Variants in ARHGAP44 observed in about 807,000 individuals in gnomAD.
ARHGAP44 encodes rho GTPase-activating protein 44.
A neutral mutation model predicts 106.8 loss-of-function variants in ARHGAP44; 43 were observed. The observed-to-expected ratio is 0.40, with a 90% CI of 0.32 to 0.52. The LOEUF (loss-of-function observed/expected upper bound fraction) is 0.52. Among genes scored for constraint, ARHGAP44 ranks in the 20% least tolerant of loss-of-function variants. The pLI, the probability that ARHGAP44 is intolerant of heterozygous loss-of-function variation, is 0.48. For missense variants in ARHGAP44, 866 were observed against 1,050.5 expected (o/e 0.82, Z 2.43); for synonymous variants, 439 against 410.3 (o/e 1.07, Z -0.85).
chr17:12,956,083 T>C (rs2039120224), intron 14 of ARHGAP44, 103 bp downstream of exon 14: 11 of 769,044 alleles, frequency 1.4e-5, no homozygotes, highest in South Asian at 1.7e-5. Flanking sequence ...CAGCCTCATG[T>C]ATTTTCCAAA....
Position 12,858,870 on chromosome 17 carries a change from G to A in ARHGAP44, c.54-36070G>A, listed in dbSNP as rs548151477. ...TCACAGTCATGGTGGAAGGTGAAAG[G>A]CACGTCTTACATGGTGGCAGGCAAG... is the stretch of plus-strand genomic sequence containing the variant. On this transcript the variant is annotated intron_variant, in intron 1 of 20. Transcript: ENST00000379672. Among the ~76,000 whole-genome samples, 371 of 152,298 alleles carry A rather than the reference G, an allele frequency of 2.4e-3. 2 individuals carry two copies. The highest frequency in any genetic ancestry group is 8.6e-3 in the African/African-American group (357 of 41,562).
chr17:12,898,206 C>T (rs893514409), intron 3 of ARHGAP44, among the ~76,000 whole-genome samples: 4 of 152,070 alleles, frequency 2.6e-5, no homozygotes, highest in African/African-American at 4.8e-5. Flanking sequence ...TGAATTATTA[C>T]GGACGATTTC....
intron 12 of ARHGAP44, among the ~76,000 whole-genome samples, chr17:12,951,728 A>G (rs1041930292): frequency 1.3e-5 from 2 of 152,182 alleles, no homozygotes; most frequent in Admixed American, 1.3e-4. Context: ...ACCTAAGATC[A>G]CTTCATCTAA....
At chr17:12,921,428 C>G (rs1320841110) in intron 6 of ARHGAP44, among the ~76,000 whole-genome samples, 1 of 152,186 alleles carries the variant, frequency 6.6e-6, no homozygotes, top group African/African-American at 2.4e-5. Context: ...TCACTGCACT[C>G]TTGAACTCTT....
intron 1 of ARHGAP44, among the ~76,000 whole-genome samples, chr17:12,828,735 G>A (rs1400996611): frequency 5.5e-5 from 8 of 144,518 alleles, no homozygotes; most frequent in Admixed American, 4.9e-4. Context: ...TCCACCTCCC[G>A]GGTTCATGCC....
At chr17:12,863,501 A>G (rs1320369860) in intron 1 of ARHGAP44, among the ~76,000 whole-genome samples, 2 of 152,200 alleles carry the variant, frequency 1.3e-5, no homozygotes, top group Non-Finnish European at 2.9e-5. Context: ...TTTATAAAAT[A>G]AAATTATTGT....
intron 16 of ARHGAP44, among the ~76,000 whole-genome samples, chr17:12,965,266 G>A (rs1290456047): frequency 7.2e-5 from 11 of 152,102 alleles, no homozygotes; most frequent in Admixed American, 3.3e-4. Flanking sequence ...GAAACCCGAC[G>A]CACCTACTGT....
chr17:12,984,431 G>A (rs1407692332), intron 19 of ARHGAP44, 100 bp from the exon 20 acceptor site: 4 of 1,336,724 alleles, frequency 3.0e-6, no homozygotes, highest in Non-Finnish European at 3.9e-6. Context: ...GGCAGGAGGT[G>A]GGGACAGCTT....
intron 7 of ARHGAP44, among the ~76,000 whole-genome samples, chr17:12,931,990 T>A (rs571382124): frequency 4.3e-4 from 66 of 152,286 alleles, no homozygotes; most frequent in Admixed American, 2.0e-3. Flanking sequence ...TACTTATATG[T>A]ATATCCTTAT....
chr17:12,815,313 C>T lies in ARHGAP44; in HGVS notation c.53+25422C>T, dbSNP rs190647830. On this transcript the variant is annotated intron_variant, in intron 1 of 20. Transcript: ENST00000379672. ...GTATTTCCTTGCAAACATTCCGCCT[C>T]GCACTTATTCTGTGAGGGAAATAAG... is the stretch of plus-strand genomic sequence containing the variant. Among the ~76,000 whole-genome samples, 224 of 152,238 alleles carry T rather than the reference C, an allele frequency of 1.5e-3. No homozygotes were observed. The Middle Eastern group carries it at 0.02, about 14-fold the overall frequency.
intron 18 of ARHGAP44, among the ~76,000 whole-genome samples, chr17:12,975,373 G>A (rs1197631292): frequency 6.6e-6 from 1 of 152,092 alleles, no homozygotes; most frequent in Non-Finnish European, 1.5e-5. Flanking sequence ...GGAGGTGGCG[G>A]TTGTACTGGG....
intron 7 of ARHGAP44, among the ~76,000 whole-genome samples, chr17:12,934,561 A>G (rs2038491235): frequency 6.6e-6 from 1 of 152,180 alleles, no homozygotes. Context: ...CAGCAAACCT[A>G]CGAGCAAGCG....
At chr17:12,948,137 C>G (rs77830355) in intron 10 of ARHGAP44, among the ~76,000 whole-genome samples, 2 of 152,150 alleles carry the variant, frequency 1.3e-5, no homozygotes, top group Non-Finnish European at 2.9e-5. Context: ...TTACCTGTGA[C>G]GTGGAGGTTT....
intron 7 of ARHGAP44, among the ~76,000 whole-genome samples, chr17:12,940,255 G>A (rs569463110): frequency 2.6e-5 from 4 of 152,102 alleles, no homozygotes; most frequent in East Asian, 1.9e-4. Flanking sequence ...CTTAGAGATC[G>A]TATGACTTGA....
chr17:12,919,728 T>G (rs368741465), intron 5 of ARHGAP44, 27 bp from the exon 6 acceptor site: 57 of 1,591,200 alleles, frequency 3.6e-5, no homozygotes, highest in Non-Finnish European at 4.5e-5. Context: ...TCAGTTTAAT[T>G]GTATCTTTTA....
intron 1 of ARHGAP44, among the ~76,000 whole-genome samples, chr17:12,861,653 T>TTTTTTTTTTTTTTTTTTTTTTTTTTA (rs755400921): frequency 1.7e-5 from 1 of 59,146 alleles, no homozygotes; most frequent in African/African-American, 4.8e-5. Context: ...ACTTTTTTTT[T>TTTTTTTTTTTTTTTTTTTTTTTTTTA]TTTTTGAGAT....
At chr17:12,861,657 T>C (rs1228845977) in intron 1 of ARHGAP44, among the ~76,000 whole-genome samples, 6 of 11,138 alleles carry the variant, frequency 5.4e-4, no homozygotes, top group Non-Finnish European at 1.2e-3. Flanking sequence ...TTTTTTTTTT[T>C]TGAGATGGAA....
At chr17:12,812,695 A>T (rs554777126) in intron 1 of ARHGAP44, among the ~76,000 whole-genome samples, 1 of 152,358 alleles carries the variant, frequency 6.6e-6, no homozygotes, top group East Asian at 1.9e-4. Flanking sequence ...CGTGGTTAAC[A>T]TGCTCACAAG....
Position 12,949,072 on chromosome 17 carries a change from G to A in ARHGAP44, c.862-68G>A. On this transcript the variant is annotated intron_variant, in intron 10 of 20. Transcript: ENST00000379672. The surrounding 1 kb of genome is among the most constrained non-coding windows in gnomAD (Gnocchi z 4.1). ...TTTTGGAGAAAAGAAGCAGGCAGTTGCGGGGTCTCTGCGCTTTGATGTTGT... is the reference window on the plus strand; with the variant it reads ...TTTTGGAGAAAAGAAGCAGGCAGTTACGGGGTCTCTGCGCTTTGATGTTGT... The A allele has an allele frequency of 7.0e-7, 1 of 1,420,246 alleles. No individual in the cohort carries two copies. Among genetic ancestry groups the A allele is most frequent in the Non-Finnish European group, 9.7e-7 (1 of 1,034,392 alleles). The allele number at this position is 1,420,246 out of a possible 1,614,324, so 88.0% of individuals were successfully genotyped here. A position where few individuals can be genotyped will look rare whatever the true frequency, so the allele number is the denominator to read the frequency against.
Sources: gnomAD v4.1 joint callset for allele counts (sites outside exome capture counted in the v4.1 genomes callset) on GRCh38, gnomAD v4.1.1 for gene constraint, Gnocchi (gnomAD v3.1) non-coding constraint, MANE v1.5 for transcripts, NCBI Gene and HGNC (gene_info 2026-07-23, HGNC 2026-07-21) for gene names.